ZNF724: variants seen among roughly 807,000 people sequenced by gnomAD.
The protein encoded by ZNF724 is zinc finger protein 724.
Under a neutral mutation model 29.3 loss-of-function variants are expected in ZNF724, and 14 were observed. The observed-to-expected ratio is 0.48, with a 90% CI of 0.32 to 0.75. The LOEUF (loss-of-function observed/expected upper bound fraction) is 0.75, where lower values mean the gene tolerates loss of function less well. ZNF724 is among the 30% of genes least tolerant of loss of function. The pLI is 0.04. For synonymous variants in ZNF724, 180 were observed against 193.6 expected (o/e 0.93, Z 0.58); for missense variants, 557 against 571.2 (o/e 0.98, Z 0.25).
Position 23,222,200 on chromosome 19 carries a change from G to A in ZNF724, c.*185C>T, listed in dbSNP as rs1599632365. 6 of 526,362 alleles carry A rather than the reference G, an allele frequency of 1.1e-5. No homozygotes were observed. The East Asian group carries it at 1.8e-4, about 16-fold the overall frequency. The allele number at this position is 526,362 out of a possible 1,614,324, so 32.6% of individuals were successfully genotyped here. ...AATCAAGTATGACAACCATTTAAAG[G>A]TGTTTAGAAATATTGAGGTGTTGTC... On this transcript the variant is annotated 3_prime_UTR_variant, in exon 4 of 4. Transcript: ENST00000418100.
At chr19:23,228,939 T>TTA (rs1228381802) in intron 3 of ZNF724, among the ~76,000 whole-genome samples, 1 of 150,756 alleles carries the variant, frequency 6.6e-6, no homozygotes, top group Non-Finnish European at 1.5e-5. Context: ...TGGCGCGTGC[T>TTA]TATAATCCCA....
rs529503245 is a variant in ZNF724 at position 23,221,993 on chromosome 19, T to G, written c.*392A>C. On this transcript the variant is annotated 3_prime_UTR_variant, in exon 4 of 4. Transcript: ENST00000418100. ...TTTCATCTTTAATGCTTCTATTAAG[T>G]ATGAACTCTCTGATATTGAATAAGA... 9 of 175,850 alleles carry G rather than the reference T, an allele frequency of 5.1e-5. No homozygotes were observed. The South Asian group carries it at 5.4e-4, about 11-fold the overall frequency. The allele number at this position is 175,850 out of a possible 1,614,324, so 10.9% of individuals were successfully genotyped here.
At chr19:23,247,768 AAT>A (rs536085206) in intron 1 of ZNF724, among the ~76,000 whole-genome samples, 49 of 152,348 alleles carry the variant, frequency 3.2e-4, no homozygotes, top group South Asian at 2.3e-3. Context: ...GCTGACCAGC[AAT>A]ATGTCTCCAA....
chr19:23,234,893 G>C (rs1259047348), intron 1 of ZNF724, among the ~76,000 whole-genome samples: 1 of 152,144 alleles, frequency 6.6e-6, no homozygotes, highest in Non-Finnish European at 1.5e-5. Flanking sequence ...GCTTCTTCTA[G>C]GCTCATCATT....
Position 23,223,536 on chromosome 19 carries a change from T to G in ZNF724, c.709A>C (p.Lys237Gln). 1 of 738,002 alleles carries G rather than the reference T, an allele frequency of 1.4e-6. No individual in the cohort carries two copies. Among genetic ancestry groups the G allele is most frequent in the Non-Finnish European group, 2.5e-6 (1 of 397,314 alleles). 45.7% of individuals were successfully genotyped at this position (738,002 alleles called of 1,614,324 possible). A position where few individuals can be genotyped will look rare whatever the true frequency, so the allele number is the denominator to read the frequency against. ...KCEECGIAFN[K>Q]SSHLNTHKII... Reference sequence around the variant, plus strand: ...TTATGTGTGTTAAGGTGTGAGGACTTGTTAAAGGCTATGCCACATTCTTCA... The same window carrying G: ...TTATGTGTGTTAAGGTGTGAGGACTGGTTAAAGGCTATGCCACATTCTTCA... Residue 237 changes from lysine to glutamine, a missense_variant, in exon 4 of 4, where the codon AAG becomes CAG. By Grantham distance (53) the Lys-to-Gln change is moderately conservative. Coordinates refer to ENST00000418100, the MANE Select transcript of ZNF724 (RefSeq NM_001355404.2).
intron 1 of ZNF724, among the ~76,000 whole-genome samples, chr19:23,241,023 A>C (rs899678893): frequency 1.3e-5 from 2 of 151,632 alleles, no homozygotes; most frequent in Non-Finnish European, 2.9e-5. Context: ...ACAGAGCAAG[A>C]CTCCATCTCA....
At chr19:23,246,808 T>G (rs1972245392) in intron 1 of ZNF724, among the ~76,000 whole-genome samples, 1 of 152,238 alleles carries the variant, frequency 6.6e-6, no homozygotes, top group African/African-American at 2.4e-5. Flanking sequence ...CACATTTTCT[T>G]GTGAACATGT....
intron 1 of ZNF724, among the ~76,000 whole-genome samples, chr19:23,237,284 T>C (rs1400442622): frequency 6.6e-6 from 1 of 152,222 alleles, no homozygotes; most frequent in African/African-American, 2.4e-5. Flanking sequence ...TCACATTTAT[T>C]TGTACTGTAA....
chr19:23,228,627 C>T (rs145233135), intron 3 of ZNF724, among the ~76,000 whole-genome samples: 3 of 151,182 alleles, frequency 2.0e-5, no homozygotes, highest in Non-Finnish European at 4.4e-5. Context: ...TGGCCGGGCA[C>T]GATGGCTCAC....
intron 3 of ZNF724, among the ~76,000 whole-genome samples, chr19:23,224,632 C>G (rs1374331414): frequency 2.0e-5 from 3 of 151,956 alleles, no homozygotes; most frequent in Admixed American, 2.0e-4. Context: ...ACAGCTCATC[C>G]CTCTCCCCAA....
At chr19:23,239,691 A>C (rs1483736793) in intron 1 of ZNF724, among the ~76,000 whole-genome samples, 1 of 152,110 alleles carries the variant, frequency 6.6e-6, no homozygotes, top group East Asian at 1.9e-4. Flanking sequence ...CTCGCCTGTA[A>C]TCTCAGCTAC....
intron 1 of ZNF724, among the ~76,000 whole-genome samples, chr19:23,234,806 A>G (rs1014826195): frequency 1.3e-5 from 2 of 152,096 alleles, no homozygotes; most frequent in Admixed American, 6.5e-5. Context: ...GACCTTCCCT[A>G]TGTATTTTGA....
chr19:23,244,977 A>G (rs1972211718), intron 1 of ZNF724, among the ~76,000 whole-genome samples: 1 of 152,216 alleles, frequency 6.6e-6, no homozygotes, highest in Non-Finnish European at 1.5e-5. Flanking sequence ...AAGACAAAGA[A>G]AAGAGGTGGG....
intron 1 of ZNF724, among the ~76,000 whole-genome samples, chr19:23,241,530 C>A (rs1268078105): frequency 1.3e-5 from 2 of 152,134 alleles, no homozygotes; most frequent in Non-Finnish European, 2.9e-5. Context: ...AGCAGCACAT[C>A]AAAAAGCTAA....
chr19:23,240,110 G>C (rs1489197368), intron 1 of ZNF724, among the ~76,000 whole-genome samples: 5 of 151,698 alleles, frequency 3.3e-5, no homozygotes, highest in African/African-American at 1.2e-4. Flanking sequence ...TCAGGAGTTT[G>C]AGACCAACCA....
Position 23,222,514 on chromosome 19 carries a change from C to G in ZNF724, c.1731G>C (p.Leu577=). 3 of 1,306,902 alleles carry G rather than the reference C, an allele frequency of 2.3e-6. No individual in the cohort carries two copies. The highest frequency in any genetic ancestry group is 2.4e-5 in the South Asian group (2 of 83,664). The allele number at this position is 1,306,902 out of a possible 1,614,324, so 81.0% of individuals were successfully genotyped here. The part of the protein sequence containing the change: ...CGKAFNWSST[L]TKHKVIHTGE... Reference sequence around the variant, plus strand: ...CAGTATGAATTACCTTATGTTTAGTCAGAGTTGAGGACCAATTAAAGGCTT... The same window carrying G: ...CAGTATGAATTACCTTATGTTTAGTGAGAGTTGAGGACCAATTAAAGGCTT... The change falls in exon 4 of 4, where the codon CTG becomes CTC. Residue 577 remains leucine, a synonymous_variant. Coordinates refer to ENST00000418100, the MANE Select transcript of ZNF724 (RefSeq NM_001355404.2).
intron 1 of ZNF724, among the ~76,000 whole-genome samples, chr19:23,244,283 A>G (rs551602823): frequency 2.4e-4 from 37 of 152,220 alleles, no homozygotes; most frequent in African/African-American, 8.7e-4. Context: ...ACTCGTAGAC[A>G]CTTTTGAAGG....
rs1411501877 is a variant in ZNF724, at chr19:23,250,308, G to C, written c.-66C>G. The C allele has an allele frequency of 3.5e-6, 2 of 570,994 alleles. No individual in the cohort carries two copies. Among genetic ancestry groups the C allele is most frequent in the Admixed American group, 1.9e-5 (1 of 51,724 alleles). The allele number at this position is 570,994 out of a possible 1,614,324, so 35.4% of individuals were successfully genotyped here. A position where few individuals can be genotyped will look rare whatever the true frequency, so the allele number is the denominator to read the frequency against. On this transcript the variant is annotated 5_prime_UTR_variant, in exon 1 of 4. Transcript: ENST00000418100. ...ATCTCCCAATGCTTGCAGGTCAGAG[G>C]GCCACAGAGGCTGGGCCTCTAAGAG...
chr19:23,249,412 T>TC (rs918744220), intron 1 of ZNF724, among the ~76,000 whole-genome samples: 172 of 151,490 alleles, frequency 1.1e-3, no homozygotes, highest in Middle Eastern at 6.8e-3. Context: ...GGCTTTTTTT[T>TC]TTTGAGACAG....
Sources: allele counts gnomAD v4.1 joint callset (sites outside exome capture counted in the v4.1 genomes callset), GRCh38; gene constraint gnomAD v4.1.1; transcripts MANE v1.5; gene names NCBI Gene and HGNC (gene_info 2026-07-23, HGNC 2026-07-21).